KIRREL3: variants seen among roughly 807,000 people sequenced by gnomAD.
The protein encoded by KIRREL3 is kirre like nephrin family adhesion molecule 3.
Under a neutral mutation model 89.7 loss-of-function variants are expected in KIRREL3, and 36 were observed. That is an observed-to-expected ratio of 0.40 (90% CI 0.31 to 0.53). KIRREL3 has a LOEUF of 0.53. Ranked by LOEUF, KIRREL3 falls within the 20% of genes least tolerant of loss-of-function variation. KIRREL3 has a pLI of 0.49. For synonymous variants in KIRREL3, 445 were observed against 441.4 expected (o/e 1.01, Z -0.10); for missense variants, 864 against 1,056.6 (o/e 0.82, Z 2.53).
rs1027161723 is a variant in KIRREL3 at position 126,431,261 on chromosome 11, C to T, written c.1696+158G>A. 1.3e-6 allele frequency: 2 copies of T among 1,542,270 alleles called. No homozygotes were observed. Among genetic ancestry groups the T allele is most frequent in the Non-Finnish European group, 1.8e-6 (2 of 1,140,666 alleles). ...CCAGGCGCCATGTTGCCCAGGCTCA[C>T]ATACACCGATGCATCAGACCCACTC... On this transcript the variant is annotated intron_variant, in intron 14 of 16. Transcript: ENST00000525144. The surrounding 1 kb of genome is among the most constrained non-coding windows in gnomAD (Gnocchi z 7.1).
At chr11:126,832,027 C>G (rs1943625822) in intron 1 of KIRREL3, among the ~76,000 whole-genome samples, 1 of 152,196 alleles carries the variant, frequency 6.6e-6, no homozygotes, top group Non-Finnish European at 1.5e-5. Flanking sequence ...CTTTATACTA[C>G]TTAAATATTG....
At chr11:126,949,982 T>A (rs1247128537) in intron 1 of KIRREL3, among the ~76,000 whole-genome samples, 1 of 152,192 alleles carries the variant, frequency 6.6e-6, no homozygotes, top group African/African-American at 2.4e-5. Flanking sequence ...AATCAGGCAA[T>A]AGGCCAAAAA....
chr11:126,498,780 C>T lies in KIRREL3; in HGVS notation c.433+22535G>A, dbSNP rs1048905142. Among the ~76,000 whole-genome samples, 19 of 152,312 alleles carry T rather than the reference C, an allele frequency of 1.2e-4. No homozygotes were observed. Among genetic ancestry groups the T allele is most frequent in the African/African-American group, 4.6e-4 (19 of 41,552 alleles). The stretch of plus-strand genomic sequence containing the variant: ...CCCTTCTGCACCTAAGGTTGAGTCC[C>T]CCTCCCACAGGAGCACCTGCGTGGG... On this transcript the variant is annotated intron_variant, in intron 4 of 16. Coordinates refer to ENST00000525144, the MANE Select transcript of KIRREL3 (RefSeq NM_032531.4). This position sits in a 1 kb window ranked among gnomAD's most constrained non-coding sequence, Gnocchi z 4.3.
intron 7 of KIRREL3, among the ~76,000 whole-genome samples, chr11:126,451,366 C>T (rs969407877): frequency 9.3e-6 from 1 of 107,624 alleles, no homozygotes; most frequent in Non-Finnish European, 1.7e-5. Flanking sequence ...GTGAGTGTGA[C>T]TATGTGTGAG....
chr11:126,743,913 T>C (rs1423458583), intron 1 of KIRREL3, among the ~76,000 whole-genome samples: 1 of 152,204 alleles, frequency 6.6e-6, no homozygotes, highest in African/African-American at 2.4e-5. Context: ...CATGCATGCA[T>C]GTACAGTGTA....
intron 1 of KIRREL3, among the ~76,000 whole-genome samples, chr11:126,833,001 A>G (rs1013457404): frequency 1.5e-4 from 23 of 152,288 alleles, no homozygotes; most frequent in Admixed American, 1.3e-3. Context: ...TCAGGCTGCC[A>G]CACCACCTTT....
intron 2 of KIRREL3, among the ~76,000 whole-genome samples, chr11:126,545,358 C>A (rs920462495): frequency 9.9e-5 from 15 of 152,132 alleles, no homozygotes; most frequent in African/African-American, 3.6e-4. Flanking sequence ...ATCGGGGAGA[C>A]ATGGCTGAGC....
At chr11:126,939,635 G>A (rs1042856891) in intron 1 of KIRREL3, among the ~76,000 whole-genome samples, 3 of 152,112 alleles carry the variant, frequency 2.0e-5, no homozygotes, top group Non-Finnish European at 4.4e-5. Context: ...TGAACTAGGA[G>A]GATCACACCG....
At chr11:126,868,598 G>T (rs1392307778) in intron 1 of KIRREL3, among the ~76,000 whole-genome samples, 1 of 152,298 alleles carries the variant, frequency 6.6e-6, no homozygotes, top group East Asian at 1.9e-4. Context: ...TTGGTTAGGA[G>T]GGTAAAGTGT....
intron 1 of KIRREL3, among the ~76,000 whole-genome samples, chr11:126,818,887 C>A (rs1316230745): frequency 1.3e-5 from 2 of 152,102 alleles, no homozygotes; most frequent in Non-Finnish European, 2.9e-5. Flanking sequence ...CTTCCTTAGA[C>A]ATGAGACATG....
intron 1 of KIRREL3, among the ~76,000 whole-genome samples, chr11:126,751,593 C>G (rs1251505308): frequency 2.6e-5 from 4 of 151,968 alleles, no homozygotes; most frequent in Non-Finnish European, 4.4e-5. Context: ...AGAGTGACCA[C>G]TGGTTAAAAG....
rs1030528449 is a variant in KIRREL3, at chr11:126,555,051, A to T, written c.133+7784T>A. 2.0e-5 allele frequency among the ~76,000 whole-genome samples: 3 copies of T among 152,082 alleles called. No homozygotes were observed. The stretch of plus-strand genomic sequence containing the variant: ...AGAGCCCCTTCCATCTCCCAATAAA[A>T]TCCTCCGCATACACTACCCTTCAAT... On this transcript the variant is annotated intron_variant, in intron 2 of 16. Transcript: ENST00000525144. This position sits in a 1 kb window ranked among gnomAD's most constrained non-coding sequence, Gnocchi z 4.2.
In KIRREL3 at chr11:126,940,161, C is replaced by T. The variant is rs898809992; in HGVS notation, c.55+60294G>A. On this transcript the variant is annotated intron_variant, in intron 1 of 16. Coordinates refer to ENST00000525144, the MANE Select transcript of KIRREL3 (RefSeq NM_032531.4). This position sits in a 1 kb window ranked among gnomAD's most constrained non-coding sequence, Gnocchi z 4.6. ...CCACAGGCAGGTCAGAATGCCCTAGCACTTCCACAAACAGCCTGCTCTCAA... is the reference window on the plus strand; with the variant it reads ...CCACAGGCAGGTCAGAATGCCCTAGTACTTCCACAAACAGCCTGCTCTCAA... 3.3e-5 allele frequency among the ~76,000 whole-genome samples: 5 copies of T among 152,188 alleles called. No individual in the cohort carries two copies. The highest frequency in any genetic ancestry group is 1.2e-4 in the African/African-American group (5 of 41,438).
intron 2 of KIRREL3, among the ~76,000 whole-genome samples, chr11:126,533,876 A>G (rs567457978): frequency 6.6e-6 from 1 of 152,330 alleles, no homozygotes; most frequent in South Asian, 2.1e-4. Context: ...ACAAATGCTC[A>G]GGGGAAACCG....
In KIRREL3 at chr11:126,715,420, A is replaced by G. The variant is rs748172766; in HGVS notation, c.56-152508T>C. ...CAAATTAAAATGCAAGTTTTAAGTC[A>G]GTGCTCTCCTTTCCTGGGGATTGTT... On this transcript the variant is annotated intron_variant, in intron 1 of 16. Transcript: ENST00000525144. The surrounding 1 kb of genome is among the most constrained non-coding windows in gnomAD (Gnocchi z 4.4). Among the ~76,000 whole-genome samples the G allele has an allele frequency of 6.6e-6, 1 of 152,212 alleles. No homozygotes were observed. The highest frequency in any genetic ancestry group is 1.5e-5 in the Non-Finnish European group (1 of 68,038).
intron 7 of KIRREL3, among the ~76,000 whole-genome samples, chr11:126,451,151 ATG>A (rs1164872253): frequency 9.4e-6 from 1 of 106,840 alleles, no homozygotes; most frequent in African/African-American, 3.7e-5. Flanking sequence ...GCATGTGTAA[ATG>A]TGGGCACGTG....
chr11:126,531,634 G>T lies in KIRREL3; in HGVS notation c.134-4947C>A, dbSNP rs1036571536. ...GAAGGCCCAGTTCTCTCCCCAGGCA[G>T]CTCCTGTGACCCAGATGGAATCTTC... On this transcript the variant is annotated intron_variant, in intron 2 of 16. Transcript: ENST00000525144. The surrounding 1 kb of genome is among the most constrained non-coding windows in gnomAD (Gnocchi z 4.7). Among the ~76,000 whole-genome samples, 8 of 142,634 alleles carry T rather than the reference G, an allele frequency of 5.6e-5. No individual in the cohort carries two copies. The highest frequency in any genetic ancestry group is 7.5e-5 in the Non-Finnish European group (5 of 66,404). 93.6% of individuals were successfully genotyped at this position (142,634 alleles called of 152,430 possible).
chr11:126,945,442 C>CA (rs1948594684), intron 1 of KIRREL3, among the ~76,000 whole-genome samples: 3 of 152,160 alleles, frequency 2.0e-5, no homozygotes, highest in African/African-American at 7.2e-5. Context: ...CATTCTCTCC[C>CA]GTGTCTCCGC....
chr11:126,984,776 C>A (rs601188), intron 1 of KIRREL3, among the ~76,000 whole-genome samples: 78,238 of 151,962 alleles, frequency 0.51, 21,108 homozygotes, highest in East Asian at 0.83. Flanking sequence ...CCATGTGAGC[C>A]CGCAGGAAGT....
Sources: allele counts gnomAD v4.1 joint callset (sites outside exome capture counted in the v4.1 genomes callset), GRCh38; gene constraint gnomAD v4.1.1; non-coding constraint Gnocchi (gnomAD v3.1); transcripts MANE v1.5; gene names NCBI Gene and HGNC (gene_info 2026-07-23, HGNC 2026-07-21).